The following SP100 variants were observed in gnomAD, a reference collection of about 807,000 sequenced individuals.
SP100 encodes nuclear autoantigen Sp-100.
A neutral mutation model predicts 130.0 loss-of-function variants in SP100; 84 were observed. That is an observed-to-expected ratio of 0.65 (90% confidence interval 0.54 to 0.77). The LOEUF (loss-of-function observed/expected upper bound fraction) is 0.77, where lower values mean the gene tolerates loss of function less well. Ranked by LOEUF, SP100 falls within the 30% of genes least tolerant of loss-of-function variation. The pLI is 0.00. For missense variants in SP100, 978 were observed against 1,052.2 expected (o/e 0.93, Z 0.97); for synonymous variants, 331 against 351.7 (o/e 0.94, Z 0.66).
At chr2:230,424,535 G>A (rs956885483) in intron 2 of SP100, among the ~76,000 whole-genome samples, 1 of 152,086 alleles carries the variant, frequency 6.6e-6, no homozygotes, top group Non-Finnish European at 1.5e-5. Context: ...GGGCGTGGTG[G>A]CAGGCACCTG....
chr2:230,542,248 A>G (rs557975992), intron 28 of SP100, among the ~76,000 whole-genome samples: 27 of 152,302 alleles, frequency 1.8e-4, no homozygotes, highest in Middle Eastern at 3.4e-3. Context: ...ACATGGTCCT[A>G]TATATAACCT....
intron 24 of SP100, among the ~76,000 whole-genome samples, chr2:230,513,226 A>G (rs1690722132): frequency 6.6e-6 from 1 of 152,248 alleles, no homozygotes; most frequent in Non-Finnish European, 1.5e-5. Flanking sequence ...GAAGGATACA[A>G]TACAGAAGTT....
At chr2:230,527,254 C>T (rs949194059) in intron 24 of SP100, among the ~76,000 whole-genome samples, 7 of 152,170 alleles carry the variant, frequency 4.6e-5, no homozygotes, top group African/African-American at 1.7e-4. Flanking sequence ...AGCCAGAAGA[C>T]AGTGGCAGCC....
At position 230,467,138 on chromosome 2, in the gene SP100, A is replaced by C. The variant is rs745630608; in HGVS notation, c.1214A>C (p.Asp405Ala). The C allele has an allele frequency of 3.1e-6, 5 of 1,613,830 alleles. No individual in the cohort carries two copies. The highest frequency in any genetic ancestry group is 3.4e-6 in the Non-Finnish European group (4 of 1,179,768). The change falls in exon 13 of 29, where the codon GAC (aspartate) becomes GCC (alanine). Residue 405 changes from aspartate to alanine, a missense_variant. Coordinates refer to ENST00000340126, the MANE Select transcript of SP100 (RefSeq NM_001080391.2). ...TCTGCAGTGATAGGACAAGACCACG[A>C]CTTTTCAGAATCCAGTGAGGAGGAG... ...FKKRVIGQDH[D>A]FSESSEEEAP...
chr2:230,468,945 A>AT, intron 13 of SP100, 98 bp from the exon 14 acceptor site: 2 of 700,232 alleles, frequency 2.9e-6, no homozygotes, highest in Non-Finnish European at 4.8e-6. Flanking sequence ...TCCTCATAGA[A>AT]TATTTATAGT....
chr2:230,540,699 A>G (rs1324163368), intron 25 of SP100, among the ~76,000 whole-genome samples, 177 bp from the exon 26 acceptor site: 1 of 152,138 alleles, frequency 6.6e-6, no homozygotes, highest in Non-Finnish European at 1.5e-5. Context: ...TATTGGTGGG[A>G]GGGCATGCCT....
chr2:230,446,669 C>A, intron 4 of SP100, 150 bp from the exon 5 acceptor site: 1 of 580,922 alleles, frequency 1.7e-6, no homozygotes, highest in East Asian at 3.0e-5. Flanking sequence ...TCTTCTCTGT[C>A]CCAGGGGATG....
chr2:230,461,474 G>A, intron 9 of SP100, 60 bp downstream of exon 9: 1 of 1,564,562 alleles, frequency 6.4e-7, no homozygotes, highest in Admixed American at 1.7e-5. Context: ...AAGGGGCTCA[G>A]GGACTTCATC....
chr2:230,510,415 C>A (rs1393700132), intron 23 of SP100: 6 of 140,078 alleles, frequency 4.3e-5, no homozygotes, highest in African/African-American at 1.6e-4. Flanking sequence ...TCACTGGGAG[C>A]TGTGGAGGAA....
intron 8 of SP100, 40 bp from the exon 9 acceptor site, chr2:230,461,222 C>G (rs749284583): frequency 3.1e-6 from 5 of 1,601,994 alleles, no homozygotes; most frequent in Non-Finnish European, 3.4e-6. Flanking sequence ...AGGAGGTTCA[C>G]TGGGGACACA....
chr2:230,521,549 G>A (rs893553791), intron 24 of SP100, among the ~76,000 whole-genome samples: 1 of 152,168 alleles, frequency 6.6e-6, no homozygotes, highest in Non-Finnish European at 1.5e-5. Context: ...ATGGATTTGA[G>A]ACTGATCTCC....
intron 2 of SP100, among the ~76,000 whole-genome samples, chr2:230,421,557 A>G (rs934434774): frequency 1.3e-5 from 2 of 150,040 alleles, no homozygotes; most frequent in Admixed American, 1.3e-4. Context: ...GAGACACTAT[A>G]TATATATATA....
chr2:230,524,179 CAAAAAA>C (rs71420292), intron 24 of SP100, among the ~76,000 whole-genome samples: 35 of 75,394 alleles, frequency 4.6e-4, no homozygotes, highest in South Asian at 9.8e-4. Context: ...ACTAAAAATA[CAAAAAA>C]AAAAAAAAAA....
At chr2:230,477,960 C>CAAAAAA (rs2065651030) in intron 17 of SP100, among the ~76,000 whole-genome samples, 1 of 126,454 alleles carries the variant, frequency 7.9e-6, no homozygotes, top group African/African-American at 3.0e-5. Flanking sequence ...AAAAAAAAAG[C>CAAAAAA]ATTGAATTTG....
Position 230,467,129 on chromosome 2 carries a change from A to G in SP100, c.1205A>G (p.Gln402Arg). The G allele has an allele frequency of 6.2e-7, 1 of 1,613,546 alleles. No individual in the cohort carries two copies. Among genetic ancestry groups the G allele is most frequent in the Non-Finnish European group, 8.5e-7 (1 of 1,179,486 alleles). Reference sequence around the variant, plus strand: ...TTGCTCCTTTCTGCAGTGATAGGACAAGACCACGACTTTTCAGAATCCAGT... The same window carrying G: ...TTGCTCCTTTCTGCAGTGATAGGACGAGACCACGACTTTTCAGAATCCAGT... ...RESFKKRVIGQDHDFSESSEE... is the reference protein window; with the variant it reads ...RESFKKRVIGRDHDFSESSEE... The change falls in exon 13 of 29, where the codon CAA (glutamine) becomes CGA (arginine). Residue 402 changes from glutamine to arginine, a missense_variant. By Grantham distance (43) the Gln-to-Arg change is conservative. Transcript: ENST00000340126.
rs138814189 is a variant in SP100 at position 230,494,429 on chromosome 2, G to A, written c.1614G>A (p.Arg538=). ...TTCTGTTTGCAGGAAAAAAGAGAAGGCATAGATCTAAAGTAAATGGTCTCC... is the reference window on the plus strand; with the variant it reads ...TTCTGTTTGCAGGAAAAAAGAGAAGACATAGATCTAAAGTAAATGGTCTCC... ...KHSGKRRKKR[R]HRSKVNGLQR... is the part of the protein sequence containing the mutation. Residue 538 remains arginine, a synonymous_variant, in exon 18 of 29, where the codon AGG becomes AGA. Transcript: ENST00000340126. The A allele has an allele frequency of 1.6e-4, 256 of 1,605,914 alleles. No individual in the cohort carries two copies. The highest frequency in any genetic ancestry group is 2.1e-4 in the Non-Finnish European group (243 of 1,172,906).
chr2:230,524,446 C>T (rs927193440), intron 24 of SP100, among the ~76,000 whole-genome samples: 1 of 151,184 alleles, frequency 6.6e-6, no homozygotes, highest in African/African-American at 2.4e-5. Context: ...ATAAGCAAGA[C>T]TAATTTAATG....
intron 24 of SP100, among the ~76,000 whole-genome samples, chr2:230,529,336 A>G (rs1474320935): frequency 1.3e-5 from 2 of 152,242 alleles, no homozygotes; most frequent in African/African-American, 4.8e-5. Context: ...CCACATGATT[A>G]TCTCAATAGA....
intron 24 of SP100, among the ~76,000 whole-genome samples, chr2:230,529,061 T>G (rs1691571814): frequency 6.6e-6 from 1 of 152,182 alleles, no homozygotes; most frequent in Non-Finnish European, 1.5e-5. Context: ...GAGGGAATCC[T>G]CCCTAACTTA....
Sources: gnomAD v4.1 joint callset for allele counts (sites outside exome capture counted in the v4.1 genomes callset) on GRCh38, gnomAD v4.1.1 for gene constraint, MANE v1.5 for transcripts, NCBI Gene and HGNC (gene_info 2026-07-23, HGNC 2026-07-21) for gene names.